The following STK38L variants were observed in gnomAD, a reference collection of about 807,000 sequenced individuals.
STK38L encodes the protein serine/threonine-protein kinase 38-like.
Under a neutral mutation model 59.7 loss-of-function variants are expected in STK38L, and 28 were observed. The observed-to-expected ratio is 0.47, with a 90% CI of 0.35 to 0.64. STK38L has a LOEUF of 0.64. STK38L is among the 30% of genes least tolerant of loss of function. The pLI is 0.01. For missense variants in STK38L, 314 were observed against 555.8 expected, an observed-to-expected ratio of 0.56 and a Z score of 4.37; for synonymous variants, 162 against 176.8, an observed-to-expected ratio of 0.92 and a Z score of 0.66.
At chr12:27,303,695 C>G (rs1944237225) in intron 3 of STK38L, among the ~76,000 whole-genome samples, 1 of 151,934 alleles carries the variant, frequency 6.6e-6, no homozygotes, top group Admixed American at 6.6e-5. Flanking sequence ...AAGATTTTTC[C>G]TCTAATTCAG....
chr12:27,277,393 CA>C (rs2136623140), intron 1 of STK38L, among the ~76,000 whole-genome samples: 1 of 1,332 alleles, frequency 7.5e-4, no homozygotes, highest in South Asian at 0.056. Context: ...TGGAAGGAAC[CA>C]CACACACACA....
chr12:27,274,984 A>G (rs16931815), intron 1 of STK38L, among the ~76,000 whole-genome samples: 17,434 of 152,120 alleles, frequency 0.11, 1,513 homozygotes, highest in East Asian at 0.44. Context: ...TCATTCCTCA[A>G]ACATTGCCAG....
intron 1 of STK38L, among the ~76,000 whole-genome samples, chr12:27,266,385 G>A (rs953848081): frequency 1.3e-5 from 2 of 152,118 alleles, no homozygotes; most frequent in Non-Finnish European, 2.9e-5. Flanking sequence ...TTAATGGAGC[G>A]ATCCAATTTG....
At chr12:27,319,562 T>C (rs1430024751) in intron 12 of STK38L, 139 bp downstream of exon 12, 18 of 561,328 alleles carry the variant, frequency 3.2e-5, no homozygotes, top group Non-Finnish European at 5.6e-5. Flanking sequence ...TTCTGGATTA[T>C]GTAAGTGAGT....
chr12:27,257,147 A>G (rs1167327588), intron 1 of STK38L, among the ~76,000 whole-genome samples: 1 of 152,242 alleles, frequency 6.6e-6, no homozygotes, highest in Non-Finnish European at 1.5e-5. Context: ...ATTTATTAAT[A>G]TAACTGTGAG....
chr12:27,258,017 A>G (rs538499772), intron 1 of STK38L, among the ~76,000 whole-genome samples: 1 of 152,020 alleles, frequency 6.6e-6, no homozygotes, highest in African/African-American at 2.4e-5. Flanking sequence ...GAGTGCCACC[A>G]CACCCAGCTA....
intron 1 of STK38L, among the ~76,000 whole-genome samples, chr12:27,278,758 T>G (rs953766083): frequency 1.3e-5 from 2 of 152,214 alleles, no homozygotes; most frequent in Non-Finnish European, 2.9e-5. Flanking sequence ...AACTCTCAGT[T>G]TGGATACTTG....
chr12:27,288,331 T>A (rs1943822598), intron 1 of STK38L, among the ~76,000 whole-genome samples: 1 of 152,164 alleles, frequency 6.6e-6, no homozygotes, highest in African/African-American at 2.4e-5. Context: ...TTTCCCTATT[T>A]AAAAAATCTT....
chr12:27,294,349 A>T (rs533084874), intron 1 of STK38L, among the ~76,000 whole-genome samples: 48 of 152,060 alleles, frequency 3.2e-4, no homozygotes, highest in African/African-American at 1.1e-3. Context: ...GTGAAACCCC[A>T]TCTCTACTAA....
chr12:27,319,381 A>G lies in STK38L; in HGVS notation c.1133A>G (p.Lys378Arg). ...RIGNSGVEEI[K>R]GHPFFEGVDW... Reference sequence around the variant, plus strand: ...GGAAATAGTGGAGTAGAAGAAATAAAAGGTCATCCCTTTTTTGAAGGTGTC... The same window carrying G: ...GGAAATAGTGGAGTAGAAGAAATAAGAGGTCATCCCTTTTTTGAAGGTGTC... Residue 378 changes from lysine to arginine, a missense_variant, in exon 12 of 14, where the codon AAA becomes AGA. Lys to Arg is a conservative substitution (Grantham distance 26). Around this residue, in one of 3 missense-constraint regions of STK38L, gnomAD observed 94 missense variants for 142.2 expected, o/e 0.66. Coordinates refer to ENST00000389032, the MANE Select transcript of STK38L (RefSeq NM_015000.4). 2 of 1,613,552 alleles carry G rather than the reference A, an allele frequency of 1.2e-6. No homozygotes were observed. The highest frequency in any genetic ancestry group is 2.7e-5 in the African/African-American group (2 of 75,052).
At chr12:27,246,712 TAAG>T (rs1178961760) in intron 1 of STK38L, among the ~76,000 whole-genome samples, 3 of 151,300 alleles carry the variant, frequency 2.0e-5, no homozygotes, top group Admixed American at 1.3e-4. Context: ...GTTTAAGTCT[TAAG>T]AAAGTCTTTA....
intron 13 of STK38L, 23 bp downstream of exon 13, chr12:27,322,257 T>C (rs553653740): frequency 6.2e-7 from 1 of 1,613,398 alleles, no homozygotes; most frequent in South Asian, 1.1e-5. Flanking sequence ...GTAATGTAAC[T>C]AACCCTATTA....
intron 1 of STK38L, among the ~76,000 whole-genome samples, chr12:27,252,331 G>A (rs1942993412): frequency 6.6e-6 from 1 of 152,194 alleles, no homozygotes; most frequent in Admixed American, 6.5e-5. Context: ...GAATGGATAA[G>A]CTGCAAGTAG....
At position 27,273,291 on chromosome 12, in the gene STK38L, C is replaced by G. The variant is rs897114106; in HGVS notation, c.-11-24419C>G. ...TGGGAGCCGAATGGTGCCTCCGTTT[C>G]TATATGTGTGACCCTAGACAAGGCT... On this transcript the variant is annotated intron_variant, in intron 1 of 13. Coordinates refer to ENST00000389032, the MANE Select transcript of STK38L (RefSeq NM_015000.4). Among the ~76,000 whole-genome samples the G allele has an allele frequency of 3.3e-5, 5 of 152,112 alleles. No homozygotes were observed. The South Asian group carries it at 1.0e-3, about 32-fold the overall frequency.
intron 1 of STK38L, among the ~76,000 whole-genome samples, chr12:27,264,156 A>G (rs75187192): frequency 6.6e-6 from 1 of 152,176 alleles, no homozygotes; most frequent in Non-Finnish European, 1.5e-5. Flanking sequence ...TTAGATTGGG[A>G]TGGTAGAAAA....
chr12:27,246,899 C>G (rs1308455981), intron 1 of STK38L, among the ~76,000 whole-genome samples: 1 of 152,162 alleles, frequency 6.6e-6, no homozygotes, highest in Non-Finnish European at 1.5e-5. Context: ...GGTTGCTACT[C>G]TGTACACTCG....
rs997331078 is a variant in STK38L at position 27,308,256 on chromosome 12, C to T, written c.187-83C>T. ...ATATTAGTGCTATCATTTATTTTTA[C>T]GTGTATCATCTTTTAATACTAGAAG... On this transcript the variant is annotated intron_variant, in intron 3 of 13. Coordinates refer to ENST00000389032, the MANE Select transcript of STK38L (RefSeq NM_015000.4). The surrounding 1 kb of genome is among the most constrained non-coding windows in gnomAD (Gnocchi z 4.5). 2.8e-4 allele frequency: 352 copies of T among 1,270,308 alleles called. 1 individual carries two copies. The highest frequency in any genetic ancestry group is 2.0e-3 in the South Asian group (115 of 56,614). The allele number at this position is 1,270,308 out of a possible 1,614,324, so 78.7% of individuals were successfully genotyped here.
At chr12:27,255,850 A>G (rs1943080890) in intron 1 of STK38L, among the ~76,000 whole-genome samples, 1 of 152,110 alleles carries the variant, frequency 6.6e-6, no homozygotes, top group Admixed American at 6.5e-5. Context: ...CCCATTGTCC[A>G]TCTGTCTTCT....
Position 27,324,829 on chromosome 12 carries a change from A to C in STK38L, c.*2374A>C, listed in dbSNP as rs1944804661. On this transcript the variant is annotated 3_prime_UTR_variant, in exon 14 of 14. Transcript: ENST00000389032. The stretch of plus-strand genomic sequence containing the variant: ...AAATTAACTAGATAATTTGCAAAGT[A>C]CCCTTGAGATTGAATTTTCTCTATT... 6.6e-6 allele frequency: 1 copy of C among 152,110 alleles called. No individual in the cohort carries two copies. Among genetic ancestry groups the C allele is most frequent in the African/African-American group, 2.4e-5 (1 of 41,456 alleles). The allele number at this position is 152,110 out of a possible 1,614,324, so 9.4% of individuals were successfully genotyped here. A position where few individuals can be genotyped will look rare whatever the true frequency, so the allele number is the denominator to read the frequency against.
Sources: allele counts gnomAD v4.1 joint callset (sites outside exome capture counted in the v4.1 genomes callset), GRCh38; gene constraint gnomAD v4.1.1; regional missense constraint gnomAD v4.1.1; non-coding constraint Gnocchi (gnomAD v3.1); transcripts MANE v1.5; gene names NCBI Gene and HGNC (gene_info 2026-07-23, HGNC 2026-07-21).